Variants in GAK observed in about 807,000 individuals in gnomAD.
GAK encodes the protein cyclin G associated kinase, also known as cyclin-G-associated kinase.
GAK carries 79 observed loss-of-function variants against 143.9 expected under a neutral mutation model. The observed-to-expected ratio is 0.55, with a 90% CI of 0.46 to 0.66. GAK has a LOEUF of 0.66. Among genes scored for constraint, GAK ranks in the 30% least tolerant of loss-of-function variants. The pLI, the probability that GAK is intolerant of heterozygous loss-of-function variation, is 0.00. For synonymous variants in GAK, 881 were observed against 765.5 expected (o/e 1.15, Z -2.49); for missense variants, 1,693 against 1,779.7 (o/e 0.95, Z 0.88).
chr4:927,960 C>A (rs1243201683), intron 1 of GAK, among the ~76,000 whole-genome samples: 1 of 152,202 alleles, frequency 6.6e-6, no homozygotes, highest in Non-Finnish European at 1.5e-5. Flanking sequence ...AGTCACATGG[C>A]CAAGAGAACA....
chr4:864,832 C>T (rs915853913), intron 23 of GAK, among the ~76,000 whole-genome samples: 5 of 152,200 alleles, frequency 3.3e-5, no homozygotes, highest in South Asian at 2.1e-4. Flanking sequence ...CAGACGCAGA[C>T]GCCCTGCCGG....
At position 867,177 on chromosome 4, in the gene GAK, A is replaced by T; in HGVS notation, c.2651T>A (p.Leu884Gln). The change falls in exon 21 of 28, where the codon CTG becomes CAG. Residue 884 changes from leucine (L) to glutamine (Q), a missense_variant. This residue lies in a region of GAK where 822 missense variants were observed against 788.7 expected (regional missense o/e 1.04). Transcript: ENST00000314167. The stretch of plus-strand genomic sequence containing the variant: ...TGCGCCCACCTCGGAGTGCAGGCCC[A>T]GGAGGTCGACCCCGTCTTCCTGTGG... ...PVPQEDGVDL[L>Q]GLHSEVGAGP... is the part of the protein sequence containing the mutation. 1 of 1,608,450 alleles carries T rather than the reference A, an allele frequency of 6.2e-7. No homozygotes were observed. The highest frequency in any genetic ancestry group is 8.5e-7 in the Non-Finnish European group (1 of 1,176,938).
At position 876,869 on chromosome 4, in the gene GAK, C is replaced by G. The variant is rs555000894; in HGVS notation, c.1974+221G>C. Among the ~76,000 whole-genome samples the G allele has an allele frequency of 2.0e-5, 3 of 152,374 alleles. No individual in the cohort carries two copies. The East Asian group carries it at 5.8e-4, about 29-fold the overall frequency. On this transcript the variant is annotated intron_variant, in intron 17 of 27. Coordinates refer to ENST00000314167, the MANE Select transcript of GAK (RefSeq NM_005255.4). ...CCCCAAGTGGACCCTCAAACTCAGT[C>G]TCGATGGAAACGCCAGGCTTTTCAG...
chr4:885,014 G>C (rs549715382), intron 11 of GAK, among the ~76,000 whole-genome samples: 2 of 151,740 alleles, frequency 1.3e-5, no homozygotes, highest in African/African-American at 4.8e-5. Flanking sequence ...CATAGGATGC[G>C]GGTCTTCCGT....
intron 1 of GAK, among the ~76,000 whole-genome samples, chr4:922,563 C>A (rs549034245): frequency 4.3e-4 from 65 of 150,918 alleles, no homozygotes; most frequent in Non-Finnish European, 1.0e-4. Context: ...GCAAAAGAGG[C>A]CTCTCCTGGA....
intron 11 of GAK, chr4:886,686 C>G (rs1716399737): frequency 6.6e-6 from 1 of 152,288 alleles, no homozygotes; most frequent in Non-Finnish European, 1.5e-5. Context: ...TCTCTCACCC[C>G]CCTGGGTCCA....
At chr4:902,560 CGCT>C in intron 5 of GAK, among the ~76,000 whole-genome samples, 1 of 136,142 alleles carries the variant, frequency 7.3e-6, no homozygotes, top group East Asian at 2.2e-4. Context: ...CCGTCAGTGC[CGCT>C]GCACTCCAGC....
intron 18 of GAK, among the ~76,000 whole-genome samples, chr4:871,165 A>G (rs2152766719): frequency 6.6e-6 from 1 of 152,366 alleles, no homozygotes; most frequent in Non-Finnish European, 1.5e-5. Flanking sequence ...CTCGGACGTC[A>G]CAGTGGGGAT....
intron 18 of GAK, among the ~76,000 whole-genome samples, chr4:876,047 T>A (rs1446022564): frequency 6.6e-6 from 1 of 151,722 alleles, no homozygotes; most frequent in Non-Finnish European, 1.5e-5. Context: ...GGGTATGCGC[T>A]GTTGGGCACC....
At chr4:879,636 G>A (rs1370386555) in intron 15 of GAK, among the ~76,000 whole-genome samples, 1 of 152,104 alleles carries the variant, frequency 6.6e-6, no homozygotes, top group African/African-American at 2.4e-5. Context: ...GTATGCACCC[G>A]AGTGGGTTTT....
At chr4:899,392 G>C (rs1719419737) in intron 5 of GAK, among the ~76,000 whole-genome samples, 1 of 152,140 alleles carries the variant, frequency 6.6e-6, no homozygotes, top group African/African-American at 2.4e-5. Context: ...ACAGATGGAA[G>C]GTGCTCGGCA....
At chr4:921,786 C>T (rs1186428978) in intron 1 of GAK, among the ~76,000 whole-genome samples, 2 of 151,666 alleles carry the variant, frequency 1.3e-5, no homozygotes, top group Non-Finnish European at 2.9e-5. Context: ...TACTTGAAAA[C>T]CCCATGTCTA....
intron 23 of GAK, 66 bp downstream of exon 23, chr4:865,056 G>A (rs1213994155): frequency 2.9e-5 from 46 of 1,573,012 alleles, no homozygotes; most frequent in African/African-American, 4.1e-5. Flanking sequence ...AGGTACGTGT[G>A]AAATAGAGAC....
chr4:851,590 C>A, intron 25 of GAK, 160 bp downstream of exon 25: 1 of 691,924 alleles, frequency 1.4e-6, no homozygotes, highest in South Asian at 1.8e-5. Context: ...CAGAGAGAGA[C>A]CAGTGAACAC....
chr4:920,671 G>C (rs1308919915), intron 1 of GAK, among the ~76,000 whole-genome samples: 3 of 150,378 alleles, frequency 2.0e-5, no homozygotes, highest in African/African-American at 4.9e-5. Context: ...AGCCTCCCAA[G>C]TAGCTGGGAC....
In GAK at chr4:932,231, C is replaced by A; in HGVS notation, c.-44G>T. On this transcript the variant is annotated 5_prime_UTR_variant, in exon 1 of 28. Coordinates refer to ENST00000314167, the MANE Select transcript of GAK (RefSeq NM_005255.4). The surrounding 1 kb of genome is among the most constrained non-coding windows in gnomAD (Gnocchi z 4.0). ...CCCCGCGGCAGCCGGAGTGGTCGGG[C>A]TCGGGCTCCCGCTCCCTCGCCGTCC... is the stretch of plus-strand genomic sequence containing the variant. 1.3e-6 allele frequency: 2 copies of A among 1,486,732 alleles called. No individual in the cohort carries two copies. Among genetic ancestry groups the A allele is most frequent in the Non-Finnish European group, 1.8e-6 (2 of 1,123,172 alleles). The allele number at this position is 1,486,732 out of a possible 1,614,324, so 92.1% of individuals were successfully genotyped here.
chr4:923,637 T>A (rs903550094), intron 1 of GAK, among the ~76,000 whole-genome samples: 1 of 151,992 alleles, frequency 6.6e-6, no homozygotes, highest in Non-Finnish European at 1.5e-5. Context: ...ATCATGCCAC[T>A]GCACTCCAGC....
chr4:864,511 C>T lies in GAK; in HGVS notation c.3166+611G>A, dbSNP rs921581785. 5.9e-5 allele frequency among the ~76,000 whole-genome samples: 9 copies of T among 152,202 alleles called. 1 individual carries two copies. In the Middle Eastern group the frequency reaches 9.5e-3, roughly 161 times the overall value. ...CGACATCGCTGAGGCCGGCCCAAGA[C>T]GCAGCTGCAGCATACGCATCCGCGC... is the stretch of plus-strand genomic sequence containing the variant. On this transcript the variant is annotated intron_variant, in intron 23 of 27. Transcript: ENST00000314167.
chr4:888,453 C>T (rs1467492639), intron 11 of GAK: 1 of 192,180 alleles, frequency 5.2e-6, no homozygotes, highest in Non-Finnish European at 1.1e-5. Flanking sequence ...CTGGGACTCA[C>T]CTGGTCTAAG....
Sources: allele counts gnomAD v4.1 joint callset (sites outside exome capture counted in the v4.1 genomes callset), GRCh38; gene constraint gnomAD v4.1.1; regional missense constraint gnomAD v4.1.1; non-coding constraint Gnocchi (gnomAD v3.1); transcripts MANE v1.5; gene names NCBI Gene and HGNC (gene_info 2026-07-23, HGNC 2026-07-21).